Variants in SPA17 observed in about 807,000 individuals in gnomAD.
SPA17 encodes the protein sperm autoantigenic protein 17.
A neutral mutation model predicts 13.8 loss-of-function variants in SPA17; 7 were observed. That is an observed-to-expected ratio of 0.51 (90% CI 0.29 to 0.95). The LOEUF (loss-of-function observed/expected upper bound fraction) is 0.95, where lower values mean the gene tolerates loss of function less well. SPA17 is among the 40% of genes least tolerant of loss of function. SPA17 has a pLI of 0.08. For missense variants in SPA17, 170 were observed against 179.3 expected (o/e 0.95, Z 0.30); for synonymous variants, 61 against 59.0 (o/e 1.03, Z -0.16).
At chr11:124,693,178 T>A (rs1485279128) in intron 4 of SPA17, among the ~76,000 whole-genome samples, 1 of 152,194 alleles carries the variant, frequency 6.6e-6, no homozygotes, top group African/African-American at 2.4e-5. Context: ...GTTTGCTATA[T>A]TAGGATGTCA....
chr11:124,675,941 C>A (rs1182764064), intron 2 of SPA17: 1 of 152,556 alleles, frequency 6.6e-6, no homozygotes, highest in Middle Eastern at 3.4e-3. Context: ...ACGGCACAGA[C>A]AAACTGATTT....
chr11:124,687,120 G>C (rs1419953329), intron 3 of SPA17, among the ~76,000 whole-genome samples: 1 of 152,046 alleles, frequency 6.6e-6, no homozygotes, highest in African/African-American at 2.4e-5. Context: ...TGATAGCACA[G>C]AAATACAAAT....
At chr11:124,678,588 G>C (rs2134408553) in intron 2 of SPA17, among the ~76,000 whole-genome samples, 1 of 151,932 alleles carries the variant, frequency 6.6e-6, no homozygotes, top group Admixed American at 6.6e-5. Context: ...CTCTGGCTCT[G>C]TCGCCCAGGC....
intron 2 of SPA17, among the ~76,000 whole-genome samples, chr11:124,678,613 G>A (rs1332969965): frequency 1.3e-5 from 2 of 152,006 alleles, no homozygotes; most frequent in African/African-American, 4.8e-5. Context: ...GTGCAGTGGT[G>A]TAATCGTGGC....
At chr11:124,680,087 G>A (rs1305417006) in intron 2 of SPA17, among the ~76,000 whole-genome samples, 1 of 152,144 alleles carries the variant, frequency 6.6e-6, no homozygotes, top group East Asian at 1.9e-4. Flanking sequence ...AACAGTTGAT[G>A]AGGAAAAGTT....
chr11:124,674,314 C>T (rs1377692917), intron 1 of SPA17: 5 of 152,248 alleles, frequency 3.3e-5, no homozygotes, highest in Non-Finnish European at 7.3e-5. Context: ...GAGGCGGGAT[C>T]ATCGCTGGAG....
intron 4 of SPA17, among the ~76,000 whole-genome samples, chr11:124,693,132 G>T (rs2134420240): frequency 6.6e-6 from 1 of 152,282 alleles, no homozygotes; most frequent in South Asian, 2.1e-4. Flanking sequence ...ATGAGTTTGA[G>T]TAGGGATCTC....
At chr11:124,685,890 T>C (rs1256418319) in intron 3 of SPA17, among the ~76,000 whole-genome samples, 1 of 152,190 alleles carries the variant, frequency 6.6e-6, no homozygotes, top group East Asian at 1.9e-4. Context: ...CCCCATTGTA[T>C]CTGGGAAGTG....
At chr11:124,692,796 G>C (rs1002033360) in intron 4 of SPA17, among the ~76,000 whole-genome samples, 8 of 152,054 alleles carry the variant, frequency 5.3e-5, no homozygotes, top group African/African-American at 1.9e-4. Flanking sequence ...TGTGGACTAG[G>C]CCTCATAAGA....
chr11:124,697,440 C>T lies in SPA17; in HGVS notation c.*2994C>T, dbSNP rs2134423938. The T allele has an allele frequency of 6.6e-6, 1 of 152,286 alleles. No individual in the cohort carries two copies. Among genetic ancestry groups the T allele is most frequent in the East Asian group, 1.9e-4 (1 of 5,182 alleles). The allele number at this position is 152,286 out of a possible 1,614,324, so 9.4% of individuals were successfully genotyped here. A position where few individuals can be genotyped will look rare whatever the true frequency, so the allele number is the denominator to read the frequency against. ...TGAGCCCCTGCTGAAAGACGTTATC[C>T]AGGACAAGCTCTTCTCATGCTGGTC... On this transcript the variant is annotated 3_prime_UTR_variant, in exon 5 of 5. Coordinates refer to ENST00000227135, the MANE Select transcript of SPA17 (RefSeq NM_017425.4).
intron 2 of SPA17, chr11:124,676,106 C>T (rs1445009044): frequency 2.0e-5 from 3 of 152,196 alleles, no homozygotes; most frequent in African/African-American, 7.2e-5. Flanking sequence ...AAATCCCCAA[C>T]CTTGAAGGTT....
rs1376470769 is a variant in SPA17 at position 124,697,065 on chromosome 11, C to T, written c.*2619C>T. The T allele has an allele frequency of 1.3e-5, 2 of 152,170 alleles. No individual in the cohort carries two copies. Among genetic ancestry groups the T allele is most frequent in the East Asian group, 3.8e-4 (2 of 5,198 alleles). The allele number at this position is 152,170 out of a possible 1,614,324, so 9.4% of individuals were successfully genotyped here. A position where few individuals can be genotyped will look rare whatever the true frequency, so the allele number is the denominator to read the frequency against. On this transcript the variant is annotated 3_prime_UTR_variant, in exon 5 of 5. Coordinates refer to ENST00000227135, the MANE Select transcript of SPA17 (RefSeq NM_017425.4). ...TATCAGCAAAACCTGTGGGCTGTAC[C>T]TATAAAATAATACTCAGAATCTGCC...
At position 124,694,627 on chromosome 11, in the gene SPA17, G is replaced by T. The variant is rs961041910; in HGVS notation, c.*181G>T. On this transcript the variant is annotated 3_prime_UTR_variant, in exon 5 of 5. Coordinates refer to ENST00000227135, the MANE Select transcript of SPA17 (RefSeq NM_017425.4). ...ATACCATTGAAACATGCCACTTGAA[G>T]ATTTCTCTGAGATCATGAGTTTGTT... 38 of 723,024 alleles carry T rather than the reference G, an allele frequency of 5.3e-5. No individual in the cohort carries two copies. The African/African-American group carries it at 6.5e-4, about 12-fold the overall frequency. 44.8% of individuals were successfully genotyped at this position (723,024 alleles called of 1,614,324 possible).
In SPA17 at chr11:124,694,729, T is replaced by C. The variant is rs770017510; in HGVS notation, c.*283T>C. 7.8e-5 allele frequency: 21 copies of C among 267,688 alleles called. No homozygotes were observed. The highest frequency in any genetic ancestry group is 1.5e-4 in the Non-Finnish European group (21 of 143,424). 16.6% of individuals were successfully genotyped at this position (267,688 alleles called of 1,614,324 possible). A position where few individuals can be genotyped will look rare whatever the true frequency, so the allele number is the denominator to read the frequency against. On this transcript the variant is annotated 3_prime_UTR_variant, in exon 5 of 5. Coordinates refer to ENST00000227135, the MANE Select transcript of SPA17 (RefSeq NM_017425.4). The stretch of plus-strand genomic sequence containing the variant: ...ACTAAAGTATCTGAGATTACAGAGA[T>C]CTCAGAGGTTATGTGTTCTAACTAT...
chr11:124,683,621 A>G (rs1038098975), intron 3 of SPA17, among the ~76,000 whole-genome samples: 5 of 152,088 alleles, frequency 3.3e-5, no homozygotes, highest in African/African-American at 9.7e-5. Context: ...CTGAAAGTAA[A>G]GAAGTGGAAA....
intron 4 of SPA17, among the ~76,000 whole-genome samples, chr11:124,692,054 A>C (rs1943627679): frequency 6.6e-6 from 1 of 152,186 alleles, no homozygotes; most frequent in Admixed American, 6.5e-5. Flanking sequence ...GGGCAGACAG[A>C]ACTCACAGAC....
intron 3 of SPA17, among the ~76,000 whole-genome samples, chr11:124,682,599 A>G (rs963970726): frequency 6.6e-6 from 1 of 152,202 alleles, no homozygotes; most frequent in African/African-American, 2.4e-5. Context: ...TGAAGGAAAT[A>G]TAAAATACAT....
intron 3 of SPA17, among the ~76,000 whole-genome samples, chr11:124,686,965 T>C (rs1565425578): frequency 6.6e-6 from 1 of 151,918 alleles, no homozygotes; most frequent in Non-Finnish European, 1.5e-5. Flanking sequence ...AAATAGAGAC[T>C]AAAATAACAA....
At chr11:124,675,109 G>A in intron 1 of SPA17, 129 bp from the exon 2 acceptor site, 1 of 867,652 alleles carries the variant, frequency 1.2e-6, no homozygotes, top group South Asian at 1.9e-5. Flanking sequence ...GGATGGGCTT[G>A]GGTTGTGTTA....
Sources: gnomAD v4.1 joint callset for allele counts (sites outside exome capture counted in the v4.1 genomes callset) on GRCh38, gnomAD v4.1.1 for gene constraint, MANE v1.5 for transcripts, NCBI Gene and HGNC (gene_info 2026-07-23, HGNC 2026-07-21) for gene names.